Variants in GALNT13 observed in about 807,000 individuals in gnomAD.
GALNT13 encodes the protein polypeptide N-acetylgalactosaminyltransferase 13, also known as UDP-GalNAc:polypeptide N-acetylgalactosaminyltransferase 13.
GALNT13 carries 28 observed loss-of-function variants against 64.2 expected under a neutral mutation model. The ratio of observed to expected loss-of-function variants is 0.44; its 90% CI spans 0.32 to 0.60. The LOEUF (loss-of-function observed/expected upper bound fraction) is 0.60. Among genes scored for constraint, GALNT13 ranks in the 20% least tolerant of loss-of-function variants. GALNT13 has a pLI of 0.05. For missense variants in GALNT13, 577 were observed against 669.8 expected, an observed-to-expected ratio of 0.86 and a Z score of 1.53; for synonymous variants, 214 against 224.6, an observed-to-expected ratio of 0.95 and a Z score of 0.42.
the GALNT13 span, among the ~76,000 whole-genome samples, chr2:153,096,035 ATAAG>A: frequency 7.7e-6 from 1 of 129,600 alleles, no homozygotes; most frequent in African/African-American, 3.2e-5. Context: ...GTATAATAAA[ATAAG>A]TAAATAAATA....
chr2:153,915,623 G>T (rs1306830053), intron 2 of GALNT13, among the ~76,000 whole-genome samples: 1 of 152,062 alleles, frequency 6.6e-6, no homozygotes, highest in African/African-American at 2.4e-5. Context: ...CTGCATAGAG[G>T]AAGCCTGATC....
the GALNT13 span, among the ~76,000 whole-genome samples, chr2:153,175,588 T>A: frequency 6.6e-6 from 1 of 152,224 alleles, no homozygotes; most frequent in African/African-American, 2.4e-5. Context: ...TTTGGCTTTT[T>A]ACTAAAAGAG....
At position 154,111,632 on chromosome 2, in the gene GALNT13, A is replaced by G. The variant is rs189524912; in HGVS notation, c.143-28705A>G. 6.6e-5 allele frequency among the ~76,000 whole-genome samples: 10 copies of G among 152,312 alleles called. No homozygotes were observed. The East Asian group carries it at 1.5e-3, about 24-fold the overall frequency. On this transcript the variant is annotated intron_variant, in intron 3 of 12. Transcript: ENST00000392825. Reference sequence around the variant, plus strand: ...AGCAGGAAGCAAAAATTTTGCTAGTAGATCACTAGAGGTGATGGTCAGTGG... The same window carrying G: ...AGCAGGAAGCAAAAATTTTGCTAGTGGATCACTAGAGGTGATGGTCAGTGG...
chr2:153,764,414 T>C, the GALNT13 span, among the ~76,000 whole-genome samples: 1 of 152,058 alleles, frequency 6.6e-6, no homozygotes, highest in Admixed American at 6.6e-5. Flanking sequence ...CACATGCCTG[T>C]AATCCAAACT....
At chr2:153,717,067 C>T in the GALNT13 span, among the ~76,000 whole-genome samples, 1 of 152,106 alleles carries the variant, frequency 6.6e-6, no homozygotes, top group Non-Finnish European at 1.5e-5. Context: ...GAGGTGTTTT[C>T]ATAACCATTC....
chr2:154,259,268 A>G (rs1262945303), intron 8 of GALNT13, 130 bp downstream of exon 8: 3 of 653,388 alleles, frequency 4.6e-6, no homozygotes, highest in Non-Finnish European at 8.1e-6. Flanking sequence ...TGGTTATCTT[A>G]ATTCACATTT....
intron 4 of GALNT13, among the ~76,000 whole-genome samples, chr2:154,144,533 A>C (rs1683452047): frequency 6.6e-6 from 1 of 152,184 alleles, no homozygotes; most frequent in South Asian, 2.1e-4. Flanking sequence ...GGAAAACTTG[A>C]GTTGATACTT....
chr2:154,241,404 C>A (rs1689483619), intron 4 of GALNT13, among the ~76,000 whole-genome samples: 1 of 152,210 alleles, frequency 6.6e-6, no homozygotes, highest in Non-Finnish European at 1.5e-5. Context: ...AGTGACTGTG[C>A]ACATTACAGT....
At chr2:154,140,110 A>C (rs1268956632) in intron 3 of GALNT13, among the ~76,000 whole-genome samples, 1 of 152,128 alleles carries the variant, frequency 6.6e-6, no homozygotes, top group African/African-American at 2.4e-5. Flanking sequence ...TTATTGTCTT[A>C]ATGTTTAGTC....
At chr2:153,958,400 T>G (rs867131620) in intron 3 of GALNT13, among the ~76,000 whole-genome samples, 3 of 152,194 alleles carry the variant, frequency 2.0e-5, no homozygotes, top group African/African-American at 7.2e-5. Context: ...TCTTTCAGTT[T>G]TAGAAAAGAA....
chr2:154,401,816 T>G (rs1480351202), intron 10 of GALNT13, among the ~76,000 whole-genome samples: 1 of 152,148 alleles, frequency 6.6e-6, no homozygotes, highest in African/African-American at 2.4e-5. Context: ...GGATTTCAGA[T>G]ATCAGATAAC....
the GALNT13 span, among the ~76,000 whole-genome samples, chr2:153,617,190 T>C: frequency 2.6e-5 from 4 of 151,996 alleles, no homozygotes; most frequent in Non-Finnish European, 5.9e-5. Context: ...AGTATGATAC[T>C]ACTGTGAGTG....
chr2:154,151,411 T>C (rs967267722), intron 4 of GALNT13, among the ~76,000 whole-genome samples: 33 of 152,328 alleles, frequency 2.2e-4, no homozygotes, highest in African/African-American at 6.7e-4. Flanking sequence ...ATTCTGTTGA[T>C]TTGGCGTGGA....
chr2:154,304,185 C>T (rs978014878), intron 9 of GALNT13, among the ~76,000 whole-genome samples: 3 of 152,114 alleles, frequency 2.0e-5, no homozygotes, highest in Admixed American at 6.5e-5. Flanking sequence ...AGGAAAAGGA[C>T]TTTTTCACAC....
chr2:154,133,534 TTATATATATATATATA>T (rs201083794), intron 3 of GALNT13, among the ~76,000 whole-genome samples: 1,042 of 77,218 alleles, frequency 0.013, 32 homozygotes, highest in African/African-American at 0.044. Context: ...ACAGACCATT[TTATATATATATATATA>T]TATATATATA....
intron 11 of GALNT13, among the ~76,000 whole-genome samples, chr2:154,414,544 G>A (rs796102962): frequency 4.0e-5 from 6 of 150,872 alleles, no homozygotes; most frequent in African/African-American, 1.5e-4. Context: ...ATTTTAGTAT[G>A]GGAGAAACAT....
At chr2:153,694,217 G>C in the GALNT13 span, among the ~76,000 whole-genome samples, 1 of 152,110 alleles carries the variant, frequency 6.6e-6, no homozygotes, top group South Asian at 2.1e-4. Flanking sequence ...TTTCCCTTCG[G>C]CCTAGCGAGT....
the GALNT13 span, among the ~76,000 whole-genome samples, chr2:153,617,158 G>T: frequency 8.5e-5 from 13 of 152,052 alleles, no homozygotes; most frequent in Non-Finnish European, 1.5e-4. Context: ...TTAGAGAAAA[G>T]ACTTTCAGCT....
At chr2:153,507,357 T>C in the GALNT13 span, among the ~76,000 whole-genome samples, 3 of 152,112 alleles carry the variant, frequency 2.0e-5, no homozygotes, top group African/African-American at 4.8e-5. Context: ...CTCAGTTCAC[T>C]GCAAGCTCTG....
Sources: allele counts gnomAD v4.1 joint callset (sites outside exome capture counted in the v4.1 genomes callset), GRCh38; gene constraint gnomAD v4.1.1; transcripts MANE v1.5; gene names NCBI Gene and HGNC (gene_info 2026-07-23, HGNC 2026-07-21).